Variants in CSMD1 observed in about 807,000 individuals in gnomAD.
CSMD1 encodes the protein CUB and Sushi multiple domains 1, also known as CUB and sushi domain-containing protein 1.
A neutral mutation model predicts 417.5 loss-of-function variants in CSMD1; 213 were observed. The ratio of observed to expected loss-of-function variants is 0.51; its 90% confidence interval spans 0.46 to 0.57. The LOEUF (loss-of-function observed/expected upper bound fraction) is 0.57. Among genes scored for constraint, CSMD1 ranks in the 20% least tolerant of loss-of-function variants. The pLI, the probability that CSMD1 is intolerant of heterozygous loss-of-function variation, is 0.00. For missense variants in CSMD1, 6,923 were observed against 4,529.7 expected, an observed-to-expected ratio of 1.53 and a Z score of -15.17; for synonymous variants, 2,862 against 1,736.8, an observed-to-expected ratio of 1.65 and a Z score of -16.11.
intron 3 of CSMD1, among the ~76,000 whole-genome samples, chr8:4,106,683 T>C (rs1235713323): frequency 1.3e-5 from 2 of 152,208 alleles, no homozygotes; most frequent in African/African-American, 4.8e-5. Context: ...ATTTTCTTTA[T>C]TTCATACCAA....
rs193118167 is a variant in CSMD1, at chr8:3,714,958, G to C, written c.932-6467C>G. Reference sequence around the variant, plus strand: ...TTTACTCTAGGACTCTCTTTTTCTAGGAGCATTTACACTATAATAAATTAT... The same window carrying C: ...TTTACTCTAGGACTCTCTTTTTCTACGAGCATTTACACTATAATAAATTAT... On this transcript the variant is annotated intron_variant, in intron 6 of 69. Transcript: ENST00000635120. Among the ~76,000 whole-genome samples the C allele has an allele frequency of 2.3e-4, 35 of 152,050 alleles. No individual in the cohort carries two copies. In the East Asian group the frequency reaches 6.6e-3, roughly 29 times the overall value.
chr8:4,182,579 A>G (rs1309943372), intron 3 of CSMD1, among the ~76,000 whole-genome samples: 1 of 152,166 alleles, frequency 6.6e-6, no homozygotes, highest in Non-Finnish European at 1.5e-5. Context: ...CACAGAAAAG[A>G]ATTTAGCATT....
intron 23 of CSMD1, among the ~76,000 whole-genome samples, chr8:3,318,167 T>C (rs777817749): frequency 2.6e-4 from 39 of 152,366 alleles, no homozygotes; most frequent in Non-Finnish European, 4.1e-4. Context: ...TTATATATAG[T>C]ACCTTAGGCT....
intron 6 of CSMD1, among the ~76,000 whole-genome samples, chr8:3,726,332 A>T (rs1802494481): frequency 6.6e-6 from 1 of 152,192 alleles, no homozygotes; most frequent in South Asian, 2.1e-4. Flanking sequence ...GGCCAATAAT[A>T]ATTCCGGTAA....
intron 5 of CSMD1, among the ~76,000 whole-genome samples, chr8:3,883,583 C>T (rs1806355514): frequency 6.6e-6 from 1 of 151,938 alleles, no homozygotes; most frequent in African/African-American, 2.4e-5. Flanking sequence ...GAATAGTTTG[C>T]AAAAATTAGT....
Position 3,343,423 on chromosome 8 carries a change from G to A in CSMD1, c.3502C>T (p.Arg1168Cys), listed in dbSNP as rs562188878. 13 of 1,613,686 alleles carry A rather than the reference G, an allele frequency of 8.1e-6. No individual in the cohort carries two copies. Among genetic ancestry groups the A allele is most frequent in the East Asian group, 4.5e-5 (2 of 44,842 alleles). ...KVYDGKDSSS[R>C]PLGTFTKNEL... ...TTTTTAGTGAACGTGCCCAGTGGAC[G>A]TGAGGAACTGTCTTTTCCATCATAT... The change falls in exon 23 of 70, where the codon CGT becomes TGT. Residue 1168 changes from arginine to cysteine, a missense_variant. Transcript: ENST00000635120.
chr8:4,287,926 G>A (rs1317719467), intron 3 of CSMD1, among the ~76,000 whole-genome samples: 1 of 151,984 alleles, frequency 6.6e-6, no homozygotes, highest in African/African-American at 2.4e-5. Flanking sequence ...CTATGGTCAT[G>A]TTTAGTTGCA....
At chr8:3,494,581 T>TAGATAGAC (rs1554442178) in intron 10 of CSMD1, among the ~76,000 whole-genome samples, 8 of 149,720 alleles carry the variant, frequency 5.3e-5, no homozygotes, top group African/African-American at 2.0e-4. Context: ...GATAGATAGA[T>TAGATAGAC]AGATAGATAG....
At chr8:4,055,168 T>C (rs552379071) in intron 3 of CSMD1, among the ~76,000 whole-genome samples, 1 of 152,190 alleles carries the variant, frequency 6.6e-6, no homozygotes, top group Non-Finnish European at 1.5e-5. Context: ...AATATGAATT[T>C]CTCATACGCA....
chr8:4,523,488 G>A (rs987966260), intron 2 of CSMD1, among the ~76,000 whole-genome samples: 2 of 152,110 alleles, frequency 1.3e-5, no homozygotes, highest in Non-Finnish European at 1.5e-5. Context: ...TATGATAAGA[G>A]GAGTGTAGGA....
At chr8:3,189,122 C>T (rs1027362375) in intron 34 of CSMD1, 111 bp from the exon 35 acceptor site, 1 of 951,104 alleles carries the variant, frequency 1.1e-6, no homozygotes, top group Non-Finnish European at 1.5e-6. Flanking sequence ...TGTACATGAA[C>T]AATGATACGT....
At chr8:4,263,942 T>C (rs1273167394) in intron 3 of CSMD1, among the ~76,000 whole-genome samples, 2 of 152,156 alleles carry the variant, frequency 1.3e-5, no homozygotes, top group Non-Finnish European at 2.9e-5. Context: ...TCTATCTATA[T>C]AATGCAATTT....
intron 2 of CSMD1, among the ~76,000 whole-genome samples, chr8:4,617,053 CT>C (rs1801510565): frequency 6.6e-6 from 1 of 151,880 alleles, no homozygotes; most frequent in African/African-American, 2.4e-5. Context: ...ATAGTTTAAT[CT>C]TATTTTTATA....
intron 2 of CSMD1, among the ~76,000 whole-genome samples, chr8:4,607,160 G>T (rs1039308474): frequency 6.6e-6 from 1 of 152,004 alleles, no homozygotes; most frequent in Non-Finnish European, 1.5e-5. Flanking sequence ...TTTAAAGCAC[G>T]ATCCTTGTAC....
chr8:4,061,221 G>C (rs55804643), intron 3 of CSMD1, among the ~76,000 whole-genome samples: 3,673 of 152,262 alleles, frequency 0.024, 163 homozygotes, highest in African/African-American at 0.083. Context: ...CAGCCCTGCT[G>C]ATTAGAGAGG....
intron 17 of CSMD1, among the ~76,000 whole-genome samples, chr8:3,394,055 TAGAA>T (rs1319559959): frequency 8.4e-4 from 94 of 112,340 alleles, no homozygotes; most frequent in African/African-American, 9.9e-4. Context: ...TATATATATA[TAGAA>T]AAAAAGAAAA....
intron 1 of CSMD1, among the ~76,000 whole-genome samples, chr8:4,895,140 T>C (rs1804391995): frequency 6.6e-6 from 1 of 152,214 alleles, no homozygotes; most frequent in African/African-American, 2.4e-5. Context: ...ACATTTGATT[T>C]ACATTCGCTT....
chr8:3,596,005 A>G (rs1438331863), intron 8 of CSMD1, among the ~76,000 whole-genome samples: 1 of 152,038 alleles, frequency 6.6e-6, no homozygotes, highest in Middle Eastern at 3.2e-3. Flanking sequence ...CTTCCTGACA[A>G]TTTATCAGGG....
chr8:3,453,265 C>G (rs1362960981), intron 12 of CSMD1, among the ~76,000 whole-genome samples: 4 of 152,090 alleles, frequency 2.6e-5, no homozygotes, highest in African/African-American at 9.7e-5. Flanking sequence ...AAAAAACCAG[C>G]TCCTGGATTC....
Sources: allele counts gnomAD v4.1 joint callset (sites outside exome capture counted in the v4.1 genomes callset), GRCh38; gene constraint gnomAD v4.1.1; transcripts MANE v1.5; gene names NCBI Gene and HGNC (gene_info 2026-07-23, HGNC 2026-07-21).